The following EXOC4 variants were observed in gnomAD, a reference collection of about 807,000 sequenced individuals.
EXOC4 encodes SEC8-like 1.
EXOC4 carries 71 observed loss-of-function variants against 107.2 expected under a neutral mutation model. That is an observed-to-expected ratio of 0.66 (90% CI 0.55 to 0.81). EXOC4 has a LOEUF of 0.81. Ranked by LOEUF, EXOC4 falls within the 30% of genes least tolerant of loss-of-function variation. The pLI is 0.00. For synonymous variants in EXOC4, 456 were observed against 441.2 expected (o/e 1.03, Z -0.42); for missense variants, 1,108 against 1,189.6 (o/e 0.93, Z 1.01).
chr7:133,558,791 C>A (rs1169240172), intron 9 of EXOC4, among the ~76,000 whole-genome samples: 1 of 152,094 alleles, frequency 6.6e-6, no homozygotes, highest in Non-Finnish European at 1.5e-5. Context: ...AATACACTTT[C>A]ATTTGCTCAG....
intron 17 of EXOC4, among the ~76,000 whole-genome samples, chr7:134,031,206 A>T (rs981319955): frequency 6.6e-6 from 1 of 152,226 alleles, no homozygotes; most frequent in Admixed American, 6.5e-5. Flanking sequence ...CTGGTTGTAT[A>T]TATCTGTAAA....
At chr7:133,472,918 A>G (rs1041793960) in intron 7 of EXOC4, among the ~76,000 whole-genome samples, 4 of 152,174 alleles carry the variant, frequency 2.6e-5, no homozygotes, top group South Asian at 2.1e-4. Context: ...TGAGGTCAGT[A>G]TTTTATTATA....
At chr7:134,076,505 G>A in the EXOC4 span, among the ~76,000 whole-genome samples, 11 of 152,090 alleles carry the variant, frequency 7.2e-5, no homozygotes, top group East Asian at 1.5e-3. Flanking sequence ...GGAACAGAGC[G>A]AGACTCTGTC....
chr7:133,284,950 C>T (rs73148909), intron 2 of EXOC4, among the ~76,000 whole-genome samples: 1,935 of 152,262 alleles, frequency 0.013, 23 homozygotes, highest in Admixed American at 0.017. Flanking sequence ...GACTTTTACT[C>T]TTTTAGTTTT....
chr7:133,487,981 T>C (rs955535427), intron 9 of EXOC4, among the ~76,000 whole-genome samples: 2 of 152,112 alleles, frequency 1.3e-5, no homozygotes, highest in African/African-American at 4.8e-5. Flanking sequence ...CTTGTTAAAA[T>C]ATGGAGAAGA....
At chr7:133,823,869 A>AT (rs1797609535) in intron 11 of EXOC4, among the ~76,000 whole-genome samples, 10 of 9,184 alleles carry the variant, frequency 1.1e-3, no homozygotes, top group East Asian at 5.9e-3. Context: ...ATATATATAT[A>AT]TATTATATAT....
At chr7:133,523,694 T>A (rs1369825982) in intron 9 of EXOC4, among the ~76,000 whole-genome samples, 3 of 152,094 alleles carry the variant, frequency 2.0e-5, no homozygotes, top group African/African-American at 7.2e-5. Context: ...TATGTGGTAT[T>A]TGGTTTTTTG....
intron 6 of EXOC4, among the ~76,000 whole-genome samples, chr7:133,363,890 T>C (rs1796188233): frequency 6.6e-6 from 1 of 152,132 alleles, no homozygotes; most frequent in Non-Finnish European, 1.5e-5. Flanking sequence ...ATTGCAAAAA[T>C]GAACTAACAA....
At chr7:133,687,565 C>T (rs1289536862) in intron 10 of EXOC4, among the ~76,000 whole-genome samples, 2 of 152,088 alleles carry the variant, frequency 1.3e-5, no homozygotes, top group African/African-American at 4.8e-5. Context: ...CATTTCTTCG[C>T]TGCTATATAA....
At chr7:133,483,789 AAAG>A (rs1310871588) in intron 9 of EXOC4, among the ~76,000 whole-genome samples, 2 of 152,224 alleles carry the variant, frequency 1.3e-5, no homozygotes, top group Admixed American at 6.5e-5. Flanking sequence ...CAACAGGAAA[AAAG>A]AGAAGAAAAT....
At chr7:133,449,192 A>G (rs2150805250) in intron 7 of EXOC4, among the ~76,000 whole-genome samples, 1 of 152,286 alleles carries the variant, frequency 6.6e-6, no homozygotes, top group East Asian at 1.9e-4. Flanking sequence ...GGAGGCAGAG[A>G]TTAGAGTAAA....
chr7:133,378,651 A>T (rs1039864983), intron 7 of EXOC4, among the ~76,000 whole-genome samples: 1 of 152,270 alleles, frequency 6.6e-6, no homozygotes, highest in Non-Finnish European at 1.5e-5. Context: ...GCCTATGATA[A>T]GTTAAGGATG....
intron 7 of EXOC4, among the ~76,000 whole-genome samples, chr7:133,468,716 C>T (rs946085100): frequency 3.3e-5 from 5 of 152,130 alleles, no homozygotes; most frequent in South Asian, 2.1e-4. Context: ...CAGAGGAATT[C>T]GCCTACTGTG....
At chr7:134,070,591 A>T (rs1404909172), downstream of EXOC4, among the ~76,000 whole-genome samples, 24 of 152,144 alleles carry the variant, frequency 1.6e-4, no homozygotes, top group Admixed American at 1.6e-3. Flanking sequence ...GTGTGATGAA[A>T]CGTACACCAT....
intron 7 of EXOC4, among the ~76,000 whole-genome samples, chr7:133,415,103 G>T (rs573568730): frequency 2.6e-5 from 4 of 152,120 alleles, no homozygotes; most frequent in Non-Finnish European, 4.4e-5. Flanking sequence ...GTTGTAGCAT[G>T]TATCAGTACT....
chr7:133,810,919 T>C (rs2551002), intron 10 of EXOC4, among the ~76,000 whole-genome samples: 150,169 of 152,178 alleles, frequency 0.99, 74,137 homozygotes, highest in Middle Eastern at 1. Context: ...AGGTATGAGC[T>C]ACCGCGCCCG....
intron 13 of EXOC4, among the ~76,000 whole-genome samples, chr7:133,922,217 C>T (rs1799952229): frequency 6.6e-6 from 1 of 152,088 alleles, no homozygotes; most frequent in African/African-American, 2.4e-5. Flanking sequence ...CCAATTTTTA[C>T]ACTGTTCACT....
At chr7:133,911,246 A>G (rs1231021556) in intron 12 of EXOC4, among the ~76,000 whole-genome samples, 1 of 152,196 alleles carries the variant, frequency 6.6e-6, no homozygotes, top group Non-Finnish European at 1.5e-5. Context: ...TTGGACATGT[A>G]GCTCTCCTTT....
intron 17 of EXOC4, among the ~76,000 whole-genome samples, chr7:134,045,733 T>A (rs775991448): frequency 3.3e-5 from 5 of 152,172 alleles, no homozygotes; most frequent in Non-Finnish European, 7.3e-5. Flanking sequence ...AACATTTTCA[T>A]CACCCCGAAA....
Sources: allele counts gnomAD v4.1 joint callset (sites outside exome capture counted in the v4.1 genomes callset), GRCh38; gene constraint gnomAD v4.1.1; transcripts MANE v1.5; gene names NCBI Gene and HGNC (gene_info 2026-07-23, HGNC 2026-07-21).